SETD2: variants seen among roughly 807,000 people sequenced by gnomAD.
The protein encoded by SETD2 is SET domain containing 2, histone lysine methyltransferase, also known as histone-lysine N-methyltransferase SETD2.
SETD2 carries 31 observed loss-of-function variants against 242.1 expected under a neutral mutation model. That is an observed-to-expected ratio of 0.13 (90% confidence interval 0.10 to 0.17). The LOEUF (loss-of-function observed/expected upper bound fraction) is 0.17, where lower values mean the gene tolerates loss of function less well. Among genes scored for constraint, SETD2 ranks in the 10% least tolerant of loss-of-function variants. The probability of loss-of-function intolerance (pLI) is 1.00; values close to 1 mark genes in which losing one functional copy is unlikely to be tolerated. For synonymous variants in SETD2, 1,006 were observed against 1,066.5 expected (o/e 0.94, Z 1.11); for missense variants, 2,481 against 3,046.3 (o/e 0.81, Z 4.37).
intron 9 of SETD2, among the ~76,000 whole-genome samples, chr3:47,094,149 A>G (rs950249931): frequency 1.3e-5 from 2 of 152,216 alleles, no homozygotes; most frequent in African/African-American, 4.8e-5. Flanking sequence ...TCAAAAACTC[A>G]AACAATAGAG....
At position 47,120,225 on chromosome 3, in the gene SETD2, A is replaced by G. The variant is rs374706873; in HGVS notation, c.4411T>C (p.Cys1471Arg). The change falls in exon 3 of 21, where the codon TGT becomes CGT. Residue 1471 changes from cysteine (C) to arginine (R), a missense_variant. Cys to Arg is a radical substitution (Grantham distance 180). This residue lies in a region of SETD2 where 48 missense variants were observed against 76.6 expected (regional missense o/e 0.63). Transcript: ENST00000409792. Reference protein sequence around the residue: ...KECAKQGKMPCYFDLIEENVY... With the variant: ...KECAKQGKMPRYFDLIEENVY... The stretch of plus-strand genomic sequence containing the variant: ...TTTTCTTCAATAAGATCAAAGTAAC[A>G]TGGCATTTTCCCTTGCTTGGCACAT... The G allele has an allele frequency of 6.3e-7, 1 of 1,578,850 alleles. No individual in the cohort carries two copies. Among genetic ancestry groups the G allele is most frequent in the African/African-American group, 1.4e-5 (1 of 73,072 alleles).
chr3:47,083,926 A>T lies in SETD2; in HGVS notation c.5854T>A (p.Ser1952Thr). ...TNIEASKLPT[S>T]EPEADAEIEP... is the part of the protein sequence containing the mutation. ...ATTTCAGCGTCAGCTTCTGGTTCAG[A>T]TGTAGGTAGCTTACTAGCTTCTATG... Residue 1952 changes from serine (S) to threonine (T), a missense_variant, in exon 12 of 21, where the codon TCT becomes ACT. Ser to Thr is a moderately conservative substitution (Grantham distance 58, BLOSUM62 1). Coordinates refer to ENST00000409792, the MANE Select transcript of SETD2 (RefSeq NM_014159.7). The T allele has an allele frequency of 6.2e-7, 1 of 1,614,144 alleles. No homozygotes were observed. The highest frequency in any genetic ancestry group is 8.5e-7 in the Non-Finnish European group (1 of 1,180,024).
chr3:47,136,704 A>G (rs1268856119), intron 1 of SETD2, among the ~76,000 whole-genome samples: 7 of 152,176 alleles, frequency 4.6e-5, no homozygotes, highest in African/African-American at 1.7e-4. Context: ...TTGTAATCCC[A>G]GCACTTTGGG....
In SETD2 at chr3:47,121,260, G is replaced by A. The variant is rs759947163; in HGVS notation, c.3376C>T (p.Pro1126Ser). The change falls in exon 3 of 21, where the codon CCT becomes TCT. Residue 1126 changes from proline (P) to serine (S), a missense_variant. By Grantham distance (74) the Pro-to-Ser change is moderately conservative. This residue lies in a region of SETD2 where 1,300 missense variants were observed against 1,259.2 expected (regional missense o/e 1.03). Coordinates refer to ENST00000409792, the MANE Select transcript of SETD2 (RefSeq NM_014159.7). ...KFESIASKAC[P>S]QTDKFFLHKG... is the part of the protein sequence containing the mutation. Reference sequence around the variant, plus strand: ...TGAAGGAAAAACTTATCAGTTTGAGGACAGGCTTTACTTGCTATACTTTCA... The same window carrying A: ...TGAAGGAAAAACTTATCAGTTTGAGAACAGGCTTTACTTGCTATACTTTCA... 2.5e-6 allele frequency: 4 copies of A among 1,613,876 alleles called. No homozygotes were observed. The highest frequency in any genetic ancestry group is 2.5e-6 in the Non-Finnish European group (3 of 1,180,022).
intron 18 of SETD2, among the ~76,000 whole-genome samples, chr3:47,037,066 T>A (rs1285487557): frequency 7.9e-6 from 1 of 127,024 alleles, no homozygotes; most frequent in Non-Finnish European, 1.6e-5. Context: ...ATTCTTTTTT[T>A]TTTTTTTTTT....
intron 2 of SETD2, among the ~76,000 whole-genome samples, chr3:47,125,726 C>A (rs2043305203): frequency 6.6e-6 from 1 of 152,234 alleles, no homozygotes; most frequent in Non-Finnish European, 1.5e-5. Context: ...GACTACTTTT[C>A]TTCCATGTTT....
Position 47,122,671 on chromosome 3 carries a change from T to A in SETD2, c.1965A>T (p.Leu655Phe). The A allele has an allele frequency of 6.2e-7, 1 of 1,613,466 alleles. No homozygotes were observed. The highest frequency in any genetic ancestry group is 8.5e-7 in the Non-Finnish European group (1 of 1,179,582). ...SHDSIKELDS[L>F]SKVKNDQLRS... ...TTAATTGATCATTCTTCACTTTAGATAAAGAGTCTAATTCCTTAATACTAT... is the reference window on the plus strand; with the variant it reads ...TTAATTGATCATTCTTCACTTTAGAAAAAGAGTCTAATTCCTTAATACTAT... Residue 655 changes from leucine (L) to phenylalanine (F), a missense_variant, in exon 3 of 21, where the codon TTA becomes TTT. Physicochemically the swap from Leu to Phe is conservative, Grantham distance 22. This residue lies in a region of SETD2 where 1,300 missense variants were observed against 1,259.2 expected (regional missense o/e 1.03). Coordinates refer to ENST00000409792, the MANE Select transcript of SETD2 (RefSeq NM_014159.7).
At chr3:47,096,511 G>A (rs2042010277) in intron 9 of SETD2, among the ~76,000 whole-genome samples, 1 of 148,606 alleles carries the variant, frequency 6.7e-6, no homozygotes, top group Non-Finnish European at 1.5e-5. Context: ...GTTTGAAGCT[G>A]CAGTGAGCTA....
In SETD2 at chr3:47,148,291, G is replaced by A. The variant is rs191933438; in HGVS notation, c.71+15563C>T. On this transcript the variant is annotated intron_variant, in intron 1 of 20. Coordinates refer to ENST00000409792, the MANE Select transcript of SETD2 (RefSeq NM_014159.7). ...GATTACAGGCACCCACTGCCACGCCGGGCTAATTTTTGTATTTTTAGTAGA... is the reference window on the plus strand; with the variant it reads ...GATTACAGGCACCCACTGCCACGCCAGGCTAATTTTTGTATTTTTAGTAGA... Among the ~76,000 whole-genome samples, 664 of 151,886 alleles carry A rather than the reference G, an allele frequency of 4.4e-3. 8 individuals carry two copies. Among genetic ancestry groups the A allele is most frequent in the African/African-American group, 0.015 (630 of 41,424 alleles).
rs117568076 is a variant in SETD2 at position 47,067,400 on chromosome 3, G to A, written c.6061-282C>T. The stretch of plus-strand genomic sequence containing the variant: ...ATGACTGGGCAAGGATACGCTTCCT[G>A]AGCATCTTTTTTTTTTTTTTTTTTT... On this transcript the variant is annotated intron_variant, in intron 12 of 20. Coordinates refer to ENST00000409792, the MANE Select transcript of SETD2 (RefSeq NM_014159.7). 4.9e-3 allele frequency among the ~76,000 whole-genome samples: 709 copies of A among 144,854 alleles called. 20 individuals are homozygous for A. The highest frequency in any genetic ancestry group is 0.038 in the East Asian group (185 of 4,842).
intron 15 of SETD2, among the ~76,000 whole-genome samples, chr3:47,049,340 TATATA>T (rs1203114358): frequency 1.7e-5 from 1 of 59,668 alleles, no homozygotes; most frequent in African/African-American, 5.5e-5. Flanking sequence ...TATATATATA[TATATA>T]TATGTATTCT....
intron 7 of SETD2, among the ~76,000 whole-genome samples, chr3:47,102,007 A>C (rs2042233230): frequency 6.6e-6 from 1 of 152,200 alleles, no homozygotes; most frequent in Admixed American, 6.5e-5. Flanking sequence ...AGAAACTAGG[A>C]AACACTGATC....
chr3:47,078,074 C>T (rs1156952736), intron 12 of SETD2, among the ~76,000 whole-genome samples: 1 of 152,102 alleles, frequency 6.6e-6, no homozygotes, highest in African/African-American at 2.4e-5. Flanking sequence ...TTGGCAACCA[C>T]CACAGTAAGT....
rs775659248 is a variant in SETD2, at chr3:47,101,526, C to A, written c.4947G>T (p.Gly1649=). 1.2e-6 allele frequency: 2 copies of A among 1,613,444 alleles called. No individual in the cohort carries two copies. Among genetic ancestry groups the A allele is most frequent in the African/African-American group, 2.7e-5 (2 of 74,960 alleles). Residue 1649 remains glycine (G), a synonymous_variant, in exon 8 of 21, where the codon GGG becomes GGT. Coordinates refer to ENST00000409792, the MANE Select transcript of SETD2 (RefSeq NM_014159.7). ...AAGGAACCAGTTTGGTGGTAAAAAA[C>A]CCAACCCTCAGTTGTCCGTTCACAG... ...KWTVNGQLRV[G]FFTTKLVPSG...
Position 47,123,281 on chromosome 3 carries a change from T to C in SETD2, c.1355A>G (p.Asp452Gly), listed in dbSNP as rs1559748372. 7 of 1,552,262 alleles carry C rather than the reference T, an allele frequency of 4.5e-6. No individual in the cohort carries two copies. Among genetic ancestry groups the C allele is most frequent in the Admixed American group, 2.0e-5 (1 of 51,044 alleles). ...ERTRYSRPYT[D>G]NRARESSDSE... ...GTCAGAACTCTCTCGTGCTCTGTTA[T>C]CTGTGTATGGCCGAGAATAGCGCGT... is the stretch of plus-strand genomic sequence containing the variant. Residue 452 changes from aspartate to glycine, a missense_variant, in exon 3 of 21, where the codon GAT becomes GGT. Asp to Gly is a moderately conservative substitution (Grantham distance 94). Transcript: ENST00000409792.
chr3:47,080,760 G>A (rs1362913498), intron 12 of SETD2: 2 of 981,182 alleles, frequency 2.0e-6, no homozygotes, highest in Non-Finnish European at 2.4e-6. Flanking sequence ...TGGAGTCAAG[G>A]CAGTGGTCCT....
At chr3:47,023,027 T>G (rs1276285112) in intron 18 of SETD2, among the ~76,000 whole-genome samples, 1 of 152,184 alleles carries the variant, frequency 6.6e-6, no homozygotes, top group East Asian at 1.9e-4. Context: ...GGGTATGGCT[T>G]GAGTTACAGA....
At position 47,017,304 on chromosome 3, in the gene SETD2, T is replaced by C. The variant is rs1559634055; in HGVS notation, c.7534-50A>G. The stretch of plus-strand genomic sequence containing the variant: ...CCACAGCCACCAATCAGAGCAGAAA[T>C]TATATGAGGGGGAGGACAGGGGTGG... On this transcript the variant is annotated intron_variant, in intron 20 of 20. Coordinates refer to ENST00000409792, the MANE Select transcript of SETD2 (RefSeq NM_014159.7). The surrounding 1 kb of genome is among the most constrained non-coding windows in gnomAD (Gnocchi z 4.8). The C allele has an allele frequency of 1.9e-6, 3 of 1,600,086 alleles. No homozygotes were observed. Among genetic ancestry groups the C allele is most frequent in the South Asian group, 1.1e-5 (1 of 90,234 alleles).
chr3:47,048,036 T>A (rs757556106), intron 15 of SETD2, among the ~76,000 whole-genome samples: 13 of 152,330 alleles, frequency 8.5e-5, no homozygotes, highest in Non-Finnish European at 1.6e-4. Context: ...TGTAAGCAAC[T>A]ATAACTTAAC....
Sources: gnomAD v4.1 joint callset for allele counts (sites outside exome capture counted in the v4.1 genomes callset) on GRCh38, gnomAD v4.1.1 for gene constraint, gnomAD v4.1.1 regional missense constraint, Gnocchi (gnomAD v3.1) non-coding constraint, MANE v1.5 for transcripts, NCBI Gene and HGNC (gene_info 2026-07-23, HGNC 2026-07-21) for gene names.